The following TRAPPC9 variants were observed in gnomAD, a reference collection of about 807,000 sequenced individuals.
TRAPPC9 encodes trafficking protein particle complex subunit 9.
TRAPPC9 carries 83 observed loss-of-function variants against 124.0 expected under a neutral mutation model. The observed-to-expected ratio is 0.67, with a 90% CI of 0.56 to 0.80. The LOEUF (loss-of-function observed/expected upper bound fraction) is 0.80, where lower values mean the gene tolerates loss of function less well. TRAPPC9 is among the 30% of genes least tolerant of loss of function. TRAPPC9 has a pLI of 0.00. For synonymous variants in TRAPPC9, 638 were observed against 617.5 expected, an observed-to-expected ratio of 1.03 and a Z score of -0.49; for missense variants, 1,302 against 1,508.3, an observed-to-expected ratio of 0.86 and a Z score of 2.27.
intron 9 of TRAPPC9, among the ~76,000 whole-genome samples, chr8:140,329,179 G>A (rs7010142): frequency 0.24 from 35,745 of 151,970 alleles, 4,967 homozygotes; most frequent in East Asian, 0.64. Flanking sequence ...ACACAGAGGT[G>A]AGGGGCAGTG....
At position 139,792,448 on chromosome 8, in the gene TRAPPC9, G is replaced by A. The variant is rs77645724; in HGVS notation, c.3056-60246C>T. ...CGTGGGCCTGGCTGCGTGTGGGCCTGGCATGGTGTGCTGTGGGGCGCTTAC... is the reference window on the plus strand; with the variant it reads ...CGTGGGCCTGGCTGCGTGTGGGCCTAGCATGGTGTGCTGTGGGGCGCTTAC... On this transcript the variant is annotated intron_variant, in intron 21 of 22. Coordinates refer to ENST00000438773, the MANE Select transcript of TRAPPC9 (RefSeq NM_001160372.4). Among the ~76,000 whole-genome samples the A allele has an allele frequency of 6.0e-3, 919 of 152,346 alleles. 10 individuals carry two copies. The highest frequency in any genetic ancestry group is 0.021 in the African/African-American group (872 of 41,582).
chr8:140,296,222 C>T (rs190794515), intron 11 of TRAPPC9, among the ~76,000 whole-genome samples: 1 of 152,312 alleles, frequency 6.6e-6, no homozygotes, highest in Admixed American at 6.5e-5. Context: ...CCCTCTTCAA[C>T]AAATACAGAT....
chr8:140,201,713 T>A (rs1006987065), intron 17 of TRAPPC9, among the ~76,000 whole-genome samples: 2 of 152,222 alleles, frequency 1.3e-5, no homozygotes, highest in Non-Finnish European at 2.9e-5. Flanking sequence ...GACATTTTTA[T>A]ATAATACATC....
At chr8:140,208,770 T>A (rs527971168) in intron 17 of TRAPPC9, among the ~76,000 whole-genome samples, 1 of 152,342 alleles carries the variant, frequency 6.6e-6, no homozygotes, top group African/African-American at 2.4e-5. Context: ...AAACCACACA[T>A]ACATGCCATC....
intron 21 of TRAPPC9, among the ~76,000 whole-genome samples, chr8:139,744,624 G>A (rs1355510927): frequency 1.3e-5 from 2 of 152,228 alleles, no homozygotes; most frequent in South Asian, 2.1e-4. Context: ...GTCAGGGCAC[G>A]CACTTCATGA....
intron 17 of TRAPPC9, among the ~76,000 whole-genome samples, chr8:140,162,832 T>C (rs985611810): frequency 1.3e-5 from 2 of 151,832 alleles, no homozygotes; most frequent in African/African-American, 4.8e-5. Flanking sequence ...TACAAGAAAA[T>C]ATTTTTTTAA....
chr8:140,161,149 C>A (rs887127547), intron 17 of TRAPPC9, among the ~76,000 whole-genome samples: 1 of 152,160 alleles, frequency 6.6e-6, no homozygotes, highest in African/African-American at 2.4e-5. Flanking sequence ...CTCCCCCAAC[C>A]CTTCAGCAGG....
intron 16 of TRAPPC9, among the ~76,000 whole-genome samples, chr8:140,236,757 T>C (rs774043405): frequency 2.0e-5 from 3 of 152,144 alleles, no homozygotes; most frequent in East Asian, 1.9e-4. Flanking sequence ...TGAAGAGACA[T>C]ACAATATTCA....
intron 17 of TRAPPC9, among the ~76,000 whole-genome samples, chr8:140,072,902 G>C (rs1020211618): frequency 2.0e-5 from 3 of 152,148 alleles, no homozygotes; most frequent in South Asian, 2.1e-4. Context: ...CAAAAGGCTT[G>C]AACAGACACT....
intron 21 of TRAPPC9, among the ~76,000 whole-genome samples, chr8:139,843,514 C>T (rs1321952660): frequency 6.6e-6 from 1 of 152,206 alleles, no homozygotes; most frequent in Non-Finnish European, 1.5e-5. Flanking sequence ...TGGTGTTCTT[C>T]CACGGCCAAA....
rs753431103 is a variant in TRAPPC9 at position 140,451,245 on chromosome 8, C to T, written c.129G>A (p.Gln43=). The T allele has an allele frequency of 6.2e-7, 1 of 1,613,700 alleles. No individual in the cohort carries two copies. The highest frequency in any genetic ancestry group is 1.7e-5 in the Admixed American group (1 of 60,006). Residue 43 remains glutamine, a synonymous_variant, in exon 2 of 23, where the codon CAG becomes CAA. Coordinates refer to ENST00000438773, the MANE Select transcript of TRAPPC9 (RefSeq NM_001160372.4). ...CTCGCTGGGAGTCCCGCACGCTGAT[C>T]TGACTCACAGAGCAAATCCTCTTAT... ...RIYKRICSVS[Q]ISVRDSQRVL...
At chr8:140,338,753 G>A (rs1388114868) in intron 9 of TRAPPC9, among the ~76,000 whole-genome samples, 1 of 146,482 alleles carries the variant, frequency 6.8e-6, no homozygotes, top group East Asian at 2.1e-4. Flanking sequence ...GCCACCAGAC[G>A]GCCACCTACA....
At chr8:140,010,785 A>G (rs1046460089) in intron 18 of TRAPPC9, among the ~76,000 whole-genome samples, 1 of 152,240 alleles carries the variant, frequency 6.6e-6, no homozygotes, top group Non-Finnish European at 1.5e-5. Flanking sequence ...TTTAGAATTT[A>G]TATTACAAAA....
In TRAPPC9 at chr8:140,011,578, A is replaced by G. The variant is rs1300604607; in HGVS notation, c.2699+12359T>C. ...GAGTGCAGTGGTACAATCTCGGCTC[A>G]CTGCAACCTCTGCCTCCCGGGTTCA... On this transcript the variant is annotated intron_variant, in intron 18 of 22. Coordinates refer to ENST00000438773, the MANE Select transcript of TRAPPC9 (RefSeq NM_001160372.4). 9.0e-5 allele frequency among the ~76,000 whole-genome samples: 12 copies of G among 132,998 alleles called. No individual in the cohort carries two copies. The East Asian group carries it at 2.7e-3, about 29-fold the overall frequency. The allele number at this position is 132,998 out of a possible 152,430, so 87.3% of individuals were successfully genotyped here. A position where few individuals can be genotyped will look rare whatever the true frequency, so the allele number is the denominator to read the frequency against.
intron 20 of TRAPPC9, among the ~76,000 whole-genome samples, chr8:139,900,021 T>G (rs533471556): frequency 1.3e-5 from 2 of 152,182 alleles, no homozygotes; most frequent in Non-Finnish European, 2.9e-5. Flanking sequence ...CATTCCACCA[T>G]TTGACCAGAG....
At chr8:139,966,224 GAGA>G (rs1377581819) in intron 19 of TRAPPC9, among the ~76,000 whole-genome samples, 1 of 152,178 alleles carries the variant, frequency 6.6e-6, no homozygotes, top group African/African-American at 2.4e-5. Flanking sequence ...TTCCACCCCA[GAGA>G]AGGAGACCAG....
At chr8:140,452,425 A>G (rs2071498853) in intron 1 of TRAPPC9, among the ~76,000 whole-genome samples, 1 of 150,546 alleles carries the variant, frequency 6.6e-6, no homozygotes. Context: ...ATCTCAAAAA[A>G]AAAAAAAAAA....
chr8:140,358,290 G>A (rs1253918801), intron 9 of TRAPPC9, among the ~76,000 whole-genome samples: 4 of 152,120 alleles, frequency 2.6e-5, no homozygotes, highest in East Asian at 3.9e-4. Flanking sequence ...CTCTGCAAGC[G>A]CCACTCCTGG....
intron 18 of TRAPPC9, among the ~76,000 whole-genome samples, chr8:139,993,476 C>T (rs2131735945): frequency 6.6e-6 from 1 of 152,312 alleles, no homozygotes; most frequent in East Asian, 1.9e-4. Flanking sequence ...GGTAGGGATA[C>T]AAATTGGTAC....
Sources: gnomAD v4.1 joint callset for allele counts (sites outside exome capture counted in the v4.1 genomes callset) on GRCh38, gnomAD v4.1.1 for gene constraint, MANE v1.5 for transcripts, NCBI Gene and HGNC (gene_info 2026-07-23, HGNC 2026-07-21) for gene names.